Variants in CSMD2 observed in about 807,000 individuals in gnomAD.
CSMD2 encodes CUB and sushi domain-containing protein 2.
A neutral mutation model predicts 398.5 loss-of-function variants in CSMD2; 130 were observed. That is an observed-to-expected ratio of 0.33 (90% confidence interval 0.28 to 0.38). The LOEUF (loss-of-function observed/expected upper bound fraction) is 0.38, where lower values mean the gene tolerates loss of function less well. Among genes scored for constraint, CSMD2 ranks in the 10% least tolerant of loss-of-function variants. The pLI is 1.00. For missense variants in CSMD2, 3,829 were observed against 4,764.9 expected (o/e 0.80, Z 5.78); for synonymous variants, 1,828 against 1,908.5 (o/e 0.96, Z 1.10).
intron 3 of CSMD2, among the ~76,000 whole-genome samples, chr1:33,937,517 C>G (rs980025996): frequency 2.6e-5 from 4 of 152,306 alleles, no homozygotes; most frequent in African/African-American, 7.2e-5. Flanking sequence ...GCAATACCCT[C>G]TTCCTGCCAA....
intron 3 of CSMD2, among the ~76,000 whole-genome samples, chr1:33,982,762 G>A (rs376075123): frequency 3.3e-5 from 5 of 152,318 alleles, no homozygotes; most frequent in South Asian, 2.1e-4. Context: ...CCCTCAAGGC[G>A]CTGGATCTAC....
rs775089201 is a variant in CSMD2, at chr1:33,533,857, G to A, written c.9930C>T (p.Gly3310=). ...TTGGGAGGCAGGTCCTGGTGGTGGA[G>A]CCCTGAAGCAGGTAGCCTTTTTGAC... The part of the protein sequence containing the change: ...FRCQKGYLLQ[G]STTRTCLPNL... The change falls in exon 63 of 71, where the codon GGC becomes GGT. Residue 3310 remains glycine (G), a synonymous_variant. Transcript: ENST00000373381. This position sits in a 1 kb window ranked among gnomAD's most constrained non-coding sequence, Gnocchi z 4.2. The A allele has an allele frequency of 1.9e-6, 3 of 1,614,138 alleles. No individual in the cohort carries two copies. Among genetic ancestry groups the A allele is most frequent in the Admixed American group, 3.3e-5 (2 of 60,030 alleles).
intron 11 of CSMD2, among the ~76,000 whole-genome samples, chr1:33,789,167 G>A (rs748463896): frequency 6.6e-6 from 1 of 152,090 alleles, no homozygotes; most frequent in African/African-American, 2.4e-5. Flanking sequence ...TTCTCCAGTT[G>A]GAACCCAAGC....
intron 9 of CSMD2, among the ~76,000 whole-genome samples, chr1:33,819,281 C>T (rs1265524916): frequency 6.6e-6 from 1 of 152,180 alleles, no homozygotes; most frequent in Non-Finnish European, 1.5e-5. Context: ...AACACTCTTG[C>T]AGAAGTGACA....
chr1:34,165,318 G>A (rs1005174525), upstream of CSMD2: 7 of 1,198,150 alleles, frequency 5.8e-6, no homozygotes, highest in Non-Finnish European at 7.2e-6. Context: ...TTCGCGCCGG[G>A]GGGCGGGAGG....
chr1:34,150,540 T>G (rs1640210178), intron 1 of CSMD2, among the ~76,000 whole-genome samples: 2 of 152,028 alleles, frequency 1.3e-5, no homozygotes, highest in South Asian at 4.1e-4. Flanking sequence ...AACTGCAAAA[T>G]GACAGAATTC....
intron 15 of CSMD2, among the ~76,000 whole-genome samples, chr1:33,734,292 T>C (rs1646813304): frequency 6.6e-6 from 1 of 152,122 alleles, no homozygotes; most frequent in Admixed American, 6.5e-5. Flanking sequence ...GACTGGGAAA[T>C]GAGCATTTCC....
At chr1:33,693,082 C>T in intron 24 of CSMD2, 26 bp from the exon 25 acceptor site, 1 of 1,574,908 alleles carries the variant, frequency 6.3e-7, no homozygotes, top group African/African-American at 1.4e-5. Context: ...AAAGAGTGAG[C>T]TTCATGGGGT....
At chr1:33,627,905 T>G (rs1642229045) in intron 32 of CSMD2, among the ~76,000 whole-genome samples, 1 of 152,208 alleles carries the variant, frequency 6.6e-6, no homozygotes, top group African/African-American at 2.4e-5. Context: ...CCATGTCAAC[T>G]GCAGCCCTGA....
intron 1 of CSMD2, among the ~76,000 whole-genome samples, chr1:34,152,557 T>C (rs544836977): frequency 6.6e-6 from 1 of 152,164 alleles, no homozygotes; most frequent in Non-Finnish European, 1.5e-5. Context: ...CAGGAGCCCA[T>C]GCAGATGAAC....
chr1:33,786,791 C>T (rs1193840205), intron 12 of CSMD2, among the ~76,000 whole-genome samples: 2 of 152,158 alleles, frequency 1.3e-5, no homozygotes, highest in African/African-American at 2.4e-5. Flanking sequence ...GACACATGGC[C>T]TCCTATTCTT....
intron 24 of CSMD2, among the ~76,000 whole-genome samples, chr1:33,694,122 G>T (rs1192217443): frequency 6.6e-6 from 1 of 152,164 alleles, no homozygotes; most frequent in Non-Finnish European, 1.5e-5. Flanking sequence ...CTACAATATA[G>T]ATGAACGCTG....
At chr1:33,680,148 CTTTTTTTTTT>C (rs34735969) in intron 25 of CSMD2, among the ~76,000 whole-genome samples, 1 of 88,536 alleles carries the variant, frequency 1.1e-5, no homozygotes, top group South Asian at 4.4e-4. Context: ...ATGGCCTCGC[CTTTTTTTTTT>C]TTTTTTTTTT....
intron 1 of CSMD2, among the ~76,000 whole-genome samples, chr1:34,094,823 C>A (rs1233608323): frequency 6.6e-6 from 1 of 151,406 alleles, no homozygotes; most frequent in East Asian, 1.9e-4. Flanking sequence ...GACTTTAACA[C>A]CCCACTGTCA....
At chr1:34,104,697 C>T (rs1202265086) in intron 1 of CSMD2, among the ~76,000 whole-genome samples, 1 of 152,222 alleles carries the variant, frequency 6.6e-6, no homozygotes, top group East Asian at 1.9e-4. Flanking sequence ...CTCAAGTCTA[C>T]AATCAGCCTC....
rs2149170324 is a variant in CSMD2 at position 33,714,737 on chromosome 1, C to T, written c.3256G>A (p.Ala1086Thr). 3 of 1,614,136 alleles carry T rather than the reference C, an allele frequency of 1.9e-6. No homozygotes were observed. The highest frequency in any genetic ancestry group is 1.7e-5 in the Admixed American group (1 of 60,030). ...LEPCEEPEVP[A>T]YSIRKGLQFG... ...TGCAAGCCCTTCCGGATGCTGTAGG[C>T]TGGGACCTCGGGCTCCTCACAGGGC... Residue 1086 changes from alanine (A) to threonine (T), a missense_variant, in exon 21 of 71, where the codon GCC (alanine) becomes ACC (threonine). Transcript: ENST00000373381.
At chr1:33,867,523 TTAAGCCACTAAGTC>T (rs575229343) in intron 5 of CSMD2, among the ~76,000 whole-genome samples, 10 of 152,356 alleles carry the variant, frequency 6.6e-5, no homozygotes, top group Non-Finnish European at 1.5e-4. Flanking sequence ...GTATTTTGTT[TTAAGCCACTAAGTC>T]TGTGGTAATT....
chr1:33,825,172 T>C (rs6657126), intron 7 of CSMD2, among the ~76,000 whole-genome samples: 104,089 of 151,426 alleles, frequency 0.69, 37,011 homozygotes, highest in African/African-American at 0.89. Context: ...GCCTCCCCAT[T>C]GACCCGAGGC....
At chr1:34,030,782 T>A in intron 3 of CSMD2, among the ~76,000 whole-genome samples, 1 of 152,170 alleles carries the variant, frequency 6.6e-6, no homozygotes, top group East Asian at 1.9e-4. Context: ...GAGGGCACCA[T>A]GAGAGCCTAG....
Sources: gnomAD v4.1 joint callset for allele counts (sites outside exome capture counted in the v4.1 genomes callset) on GRCh38, gnomAD v4.1.1 for gene constraint, Gnocchi (gnomAD v3.1) non-coding constraint, MANE v1.5 for transcripts, NCBI Gene and HGNC (gene_info 2026-07-23, HGNC 2026-07-21) for gene names.